Variants in PBK observed in about 807,000 individuals in gnomAD.
PBK encodes the protein lymphokine-activated killer T-cell-originated protein kinase.
A neutral mutation model predicts 33.5 loss-of-function variants in PBK; 22 were observed. The ratio of observed to expected loss-of-function variants is 0.66; its 90% confidence interval spans 0.47 to 0.94. PBK has a LOEUF of 0.94. PBK is among the 40% of genes least tolerant of loss of function. The probability of loss-of-function intolerance (pLI) is 0.00; values close to 1 mark genes in which losing one functional copy is unlikely to be tolerated. For missense variants in PBK, 376 were observed against 383.4 expected (o/e 0.98, Z 0.16); for synonymous variants, 129 against 123.8 (o/e 1.04, Z -0.28).
intron 2 of PBK, among the ~76,000 whole-genome samples, chr8:27,828,743 TCAAAAAAAAAAAAA>T (rs770612638): frequency 2.7e-5 from 1 of 36,432 alleles, no homozygotes; most frequent in Non-Finnish European, 4.2e-5. Flanking sequence ...AGACACAGTC[TCAAAAAAAAAAAAA>T]AAAAAAAAAA....
chr8:27,834,248 G>A (rs892336630), intron 1 of PBK, among the ~76,000 whole-genome samples: 8 of 152,156 alleles, frequency 5.3e-5, no homozygotes, highest in Middle Eastern at 3.4e-3. Context: ...GGCTGGTCAC[G>A]AACTCCCGAC....
intron 2 of PBK, among the ~76,000 whole-genome samples, chr8:27,832,804 A>C (rs980890630): frequency 3.3e-5 from 5 of 152,182 alleles, no homozygotes; most frequent in African/African-American, 1.2e-4. Flanking sequence ...GCAGTTCCTT[A>C]ATGGGTCAAG....
At chr8:27,832,341 C>T (rs1806146543) in intron 2 of PBK, among the ~76,000 whole-genome samples, 1 of 152,132 alleles carries the variant, frequency 6.6e-6, no homozygotes, top group African/African-American at 2.4e-5. Context: ...TAACATAATA[C>T]ATTGGGAACA....
At position 27,823,111 on chromosome 8, in the gene PBK, T is replaced by A; in HGVS notation, c.247A>T (p.Met83Leu). The part of the protein sequence containing the change: ...HYRSVYQKRL[M>L]DEAKILKSLH... ...CTTTTCAAAATCTTAGCTTCATCCA[T>A]TAGTCTCTTTTGATACACACTTCGA... The change falls in exon 4 of 8, where the codon ATG (methionine) becomes TTG (leucine). Residue 83 changes from methionine (M) to leucine (L), a missense_variant. By Grantham distance (15) the Met-to-Leu change is conservative. Coordinates refer to ENST00000301905, the MANE Select transcript of PBK (RefSeq NM_018492.4). 1 of 1,589,196 alleles carries A rather than the reference T, an allele frequency of 6.3e-7. No individual in the cohort carries two copies. The highest frequency in any genetic ancestry group is 8.6e-7 in the Non-Finnish European group (1 of 1,159,268).
At chr8:27,837,124 G>T (rs1342702343) in intron 1 of PBK, among the ~76,000 whole-genome samples, 1 of 152,190 alleles carries the variant, frequency 6.6e-6, no homozygotes, top group Admixed American at 6.5e-5. Context: ...TAGGATGACC[G>T]TGAGCAGAAT....
intron 6 of PBK, among the ~76,000 whole-genome samples, chr8:27,817,395 C>A (rs1309787802): frequency 6.6e-6 from 1 of 152,010 alleles, no homozygotes; most frequent in Non-Finnish European, 1.5e-5. Context: ...CTGGTAGAAC[C>A]TTTCAGACGA....
chr8:27,815,751 G>C (rs374398122), intron 6 of PBK, among the ~76,000 whole-genome samples: 2 of 152,314 alleles, frequency 1.3e-5, no homozygotes, highest in African/African-American at 4.8e-5. Flanking sequence ...TTTCCTGTAT[G>C]TATGTTTACA....
At chr8:27,835,666 C>T (rs959401578) in intron 1 of PBK, among the ~76,000 whole-genome samples, 3 of 152,166 alleles carry the variant, frequency 2.0e-5, no homozygotes, top group Non-Finnish European at 2.9e-5. Flanking sequence ...ATTCTCCTGC[C>T]TCAGCCTCCC....
intron 6 of PBK, among the ~76,000 whole-genome samples, chr8:27,811,756 T>G (rs1346166043): frequency 6.6e-6 from 1 of 152,226 alleles, no homozygotes; most frequent in Non-Finnish European, 1.5e-5. Flanking sequence ...CTTAATAGTA[T>G]TGAGTCTTCC....
intron 6 of PBK, among the ~76,000 whole-genome samples, chr8:27,818,109 A>T (rs34633208): frequency 6.6e-6 from 1 of 152,076 alleles, no homozygotes; most frequent in Non-Finnish European, 1.5e-5. Context: ...TTCCATCAGT[A>T]TAAGTCCTAA....
Position 27,823,181 on chromosome 8 carries a change from A to T in PBK, c.177T>A (p.Ser59=). 5.8e-6 allele frequency: 9 copies of T among 1,545,554 alleles called. No individual in the cohort carries two copies. The highest frequency in any genetic ancestry group is 8.0e-6 in the Non-Finnish European group (9 of 1,126,252). Reference sequence around the variant, plus strand: ...GATTAATCTTTTTTACAGCCCAAGGAGAATGAGACAAACCTCTTGGAGATC... The same window carrying T: ...GATTAATCTTTTTTACAGCCCAAGGTGAATGAGACAAACCTCTTGGAGATC... The part of the protein sequence containing the change: ...MKRSPRGLSH[S]PWAVKKINPI... Residue 59 remains serine, a synonymous_variant, in exon 4 of 8, where the codon TCT becomes TCA. Transcript: ENST00000301905.
At chr8:27,824,506 T>C (rs1305964893) in intron 3 of PBK, among the ~76,000 whole-genome samples, 1 of 149,760 alleles carries the variant, frequency 6.7e-6, no homozygotes, top group African/African-American at 2.5e-5. Flanking sequence ...AAAAAATATG[T>C]AAGTAAATAA....
chr8:27,818,762 C>T (rs1805865584), intron 6 of PBK, among the ~76,000 whole-genome samples: 1 of 151,846 alleles, frequency 6.6e-6, no homozygotes, highest in South Asian at 2.1e-4. Flanking sequence ...ATGGAGGTAC[C>T]CATGGCTTTT....
chr8:27,834,513 T>C (rs1043645499), intron 1 of PBK, among the ~76,000 whole-genome samples: 3 of 152,236 alleles, frequency 2.0e-5, no homozygotes, highest in Admixed American at 6.5e-5. Context: ...CTGAGTATAC[T>C]AGAAACTATT....
chr8:27,832,836 G>A (rs992023667), intron 2 of PBK, among the ~76,000 whole-genome samples: 6 of 152,166 alleles, frequency 3.9e-5, no homozygotes, highest in Non-Finnish European at 8.8e-5. Flanking sequence ...CTTGGGCAGG[G>A]AGAGCCTCCA....
At chr8:27,816,358 T>TA (rs199549055) in intron 6 of PBK, among the ~76,000 whole-genome samples, 9,066 of 123,208 alleles carry the variant, frequency 0.074, 627 homozygotes, top group East Asian at 0.15. Flanking sequence ...TATATATATA[T>TA]TTATTTATTT....
At chr8:27,822,516 TA>T in intron 4 of PBK, 28 bp from the exon 5 acceptor site, 3 of 1,491,952 alleles carry the variant, frequency 2.0e-6, no homozygotes, top group Non-Finnish European at 2.8e-6. Flanking sequence ...ATTTCTTCAC[TA>T]ATATAGAGAA....
chr8:27,836,608 G>A (rs1806232026), intron 1 of PBK, among the ~76,000 whole-genome samples: 1 of 152,022 alleles, frequency 6.6e-6, no homozygotes, highest in Admixed American at 6.6e-5. Context: ...CAACCAAGGA[G>A]GTGCCAACAA....
intron 6 of PBK, among the ~76,000 whole-genome samples, chr8:27,814,848 C>T (rs775362507): frequency 2.0e-5 from 3 of 152,062 alleles, no homozygotes; most frequent in Non-Finnish European, 4.4e-5. Flanking sequence ...TCCATTGTGG[C>T]CAACAAATAT....
Sources: allele counts gnomAD v4.1 joint callset (sites outside exome capture counted in the v4.1 genomes callset), GRCh38; gene constraint gnomAD v4.1.1; transcripts MANE v1.5; gene names NCBI Gene and HGNC (gene_info 2026-07-23, HGNC 2026-07-21).